Variants in LRRC37A2 observed in about 807,000 individuals in gnomAD.
LRRC37A2 encodes the protein leucine rich repeat containing 37 member A2.
In LRRC37A2, 9 loss-of-function variants were observed where a neutral mutation model predicts 68.8. The ratio of observed to expected loss-of-function variants is 0.13; its 90% CI spans 0.08 to 0.23. The LOEUF is 0.23. Ranked by LOEUF, LRRC37A2 falls within the 10% of genes least tolerant of loss-of-function variation. LRRC37A2 has a pLI of 1.00. For synonymous variants in LRRC37A2, 63 were observed against 367.6 expected (o/e 0.17, Z 9.48); for missense variants, 168 against 950.4 (o/e 0.18, Z 10.82).
At chr17:47,031,280 T>C in the LRRC37A2 span, among the ~76,000 whole-genome samples, 2 of 148,258 alleles carry the variant, frequency 1.3e-5, no homozygotes, top group African/African-American at 2.5e-5. Flanking sequence ...AGGTTTTGCA[T>C]TGGGGAAAGG....
chr17:47,001,114 C>T, the LRRC37A2 span, among the ~76,000 whole-genome samples: 2 of 152,010 alleles, frequency 1.3e-5, no homozygotes, highest in African/African-American at 2.4e-5. Context: ...CCAGTCTGGG[C>T]GACCTTCCTG....
the LRRC37A2 span, chr17:47,019,436 T>C: frequency 1.2e-6 from 2 of 1,610,906 alleles, no homozygotes; most frequent in East Asian, 4.5e-5. Context: ...CAACTCAGCC[T>C]CCAGACCTAG....
At chr17:46,740,058 A>G in the LRRC37A2 span, among the ~76,000 whole-genome samples, 1 of 152,170 alleles carries the variant, frequency 6.6e-6, no homozygotes, top group African/African-American at 2.4e-5. Context: ...CACTGTGTCT[A>G]GTGGGTAAGT....
chr17:46,877,085 G>C, the LRRC37A2 span: 10 of 1,059,340 alleles, frequency 9.4e-6, no homozygotes, highest in Non-Finnish European at 1.1e-5. Context: ...GAATGGCTTG[G>C]AGCCAGCATG....
chr17:46,784,825 G>A, the LRRC37A2 span, among the ~76,000 whole-genome samples: 1 of 150,154 alleles, frequency 6.7e-6, no homozygotes, highest in Admixed American at 6.7e-5. Context: ...GCCCAGGCTG[G>A]AGTGCAGTGG....
chr17:47,027,623 G>T, the LRRC37A2 span: 18 of 1,198,738 alleles, frequency 1.5e-5, no homozygotes, highest in Non-Finnish European at 2.1e-5. Context: ...CATTTTTGAA[G>T]TTTATGTAAG....
chr17:46,791,217 CT>C, the LRRC37A2 span, among the ~76,000 whole-genome samples: 338 of 146,596 alleles, frequency 2.3e-3, no homozygotes, highest in African/African-American at 6.5e-3. Context: ...TTTCCTTACT[CT>C]TTTTTTTTTT....
At chr17:46,595,819 TTC>T in the LRRC37A2 span, among the ~76,000 whole-genome samples, 1 of 140,178 alleles carries the variant, frequency 7.1e-6, no homozygotes, top group African/African-American at 2.9e-5. Flanking sequence ...TTTAACCCAC[TTC>T]TCTTCAGCCT....
chr17:46,746,489 C>A, the LRRC37A2 span, among the ~76,000 whole-genome samples: 2 of 152,304 alleles, frequency 1.3e-5, no homozygotes, highest in East Asian at 1.9e-4. Flanking sequence ...TTCTTAAAAT[C>A]TTTTCCCGAT....
chr17:46,989,541 T>C, the LRRC37A2 span, among the ~76,000 whole-genome samples: 1 of 152,214 alleles, frequency 6.6e-6, no homozygotes, highest in Non-Finnish European at 1.5e-5. Context: ...CTGACCTTGA[T>C]GATTAGCTCA....
the LRRC37A2 span, among the ~76,000 whole-genome samples, chr17:47,033,616 C>T: frequency 1.3e-5 from 2 of 152,140 alleles, no homozygotes; most frequent in African/African-American, 2.4e-5. Context: ...AATTTCAGTA[C>T]ATTTAAGACA....
At chr17:46,837,682 C>T in the LRRC37A2 span, among the ~76,000 whole-genome samples, 2 of 152,156 alleles carry the variant, frequency 1.3e-5, no homozygotes, top group Non-Finnish European at 1.5e-5. Context: ...GGTGGTGATG[C>T]CCCTGCTGGG....
At chr17:46,951,777 A>G in the LRRC37A2 span, among the ~76,000 whole-genome samples, 1 of 152,164 alleles carries the variant, frequency 6.6e-6, no homozygotes, top group African/African-American at 2.4e-5. Context: ...TCAGAGAGGA[A>G]AAATGGCCCA....
At chr17:46,633,779 C>T in the LRRC37A2 span, among the ~76,000 whole-genome samples, 1 of 112,360 alleles carries the variant, frequency 8.9e-6, no homozygotes, top group Non-Finnish European at 1.7e-5. Context: ...ATATTTCAAC[C>T]TATAAATGTT....
chr17:46,761,872 G>C, the LRRC37A2 span, among the ~76,000 whole-genome samples: 1 of 152,224 alleles, frequency 6.6e-6, no homozygotes, highest in Non-Finnish European at 1.5e-5. Context: ...GTCCTGTGAA[G>C]TGGCGATCTG....
chr17:46,504,897 TG>T, the LRRC37A2 span, among the ~76,000 whole-genome samples: 8 of 124,210 alleles, frequency 6.4e-5, no homozygotes, highest in South Asian at 1.6e-3. Context: ...TTTAATACAT[TG>T]ATTTATTAAT....
At chr17:46,762,448 G>C in the LRRC37A2 span, 2 of 151,836 alleles carry the variant, frequency 1.3e-5, no homozygotes, top group Admixed American at 6.6e-5. Context: ...TCAGAATCTC[G>C]TATCCTTGAC....
At chr17:46,714,099 C>T in the LRRC37A2 span, 5 of 1,174,010 alleles carry the variant, frequency 4.3e-6, no homozygotes, top group East Asian at 1.5e-4. Flanking sequence ...CTATGTTCTT[C>T]TCAAGTGGAA....
the LRRC37A2 span, among the ~76,000 whole-genome samples, chr17:46,792,062 C>T: frequency 6.6e-6 from 1 of 152,216 alleles, no homozygotes; most frequent in African/African-American, 2.4e-5. Flanking sequence ...AAGAAAACAA[C>T]TCTCTCTTAC....
Sources: gnomAD v4.1 joint callset for allele counts (sites outside exome capture counted in the v4.1 genomes callset) on GRCh38, gnomAD v4.1.1 for gene constraint, MANE v1.5 for transcripts, NCBI Gene and HGNC (gene_info 2026-07-23, HGNC 2026-07-21) for gene names.